Variants in KIAA1217 observed in about 807,000 individuals in gnomAD.
The protein encoded by KIAA1217 is KIAA1217, also known as sickle tail protein homolog.
Under a neutral mutation model 163.9 loss-of-function variants are expected in KIAA1217, and 88 were observed. The ratio of observed to expected loss-of-function variants is 0.54; its 90% CI spans 0.45 to 0.64. The LOEUF is 0.64. KIAA1217 is among the 30% of genes least tolerant of loss of function. The probability of loss-of-function intolerance (pLI) is 0.00; values close to 1 mark genes in which losing one functional copy is unlikely to be tolerated. For missense variants in KIAA1217, 2,372 were observed against 2,475.0 expected, an observed-to-expected ratio of 0.96 and a Z score of 0.88; for synonymous variants, 903 against 923.1, an observed-to-expected ratio of 0.98 and a Z score of 0.39.
chr10:23,718,096 T>C (rs1410813120), intron 1 of KIAA1217, among the ~76,000 whole-genome samples: 1 of 152,238 alleles, frequency 6.6e-6, no homozygotes, highest in Non-Finnish European at 1.5e-5. Flanking sequence ...GTGTGGAATC[T>C]ATTAAGTTGG....
intron 6 of KIAA1217, among the ~76,000 whole-genome samples, chr10:24,476,298 TAAAAC>T (rs1283297553): frequency 6.6e-6 from 1 of 152,086 alleles, no homozygotes; most frequent in Non-Finnish European, 1.5e-5. Flanking sequence ...ATGGAGAGAA[TAAAAC>T]AAACCCTCTG....
chr10:23,736,283 T>C (rs1838798606), intron 1 of KIAA1217, among the ~76,000 whole-genome samples: 1 of 152,250 alleles, frequency 6.6e-6, no homozygotes, highest in South Asian at 2.1e-4. Context: ...ATGTGCAGTA[T>C]GGTGAGTGTG....
chr10:23,761,772 A>C (rs540066308), intron 1 of KIAA1217, among the ~76,000 whole-genome samples: 233 of 152,216 alleles, frequency 1.5e-3, no homozygotes, highest in African/African-American at 5.2e-3. Context: ...TACTAGGTCC[A>C]CTTGGTCCAG....
intron 2 of KIAA1217, among the ~76,000 whole-genome samples, chr10:24,160,318 A>G (rs1041989003): frequency 1.8e-4 from 28 of 152,230 alleles, no homozygotes; most frequent in African/African-American, 5.8e-4. Flanking sequence ...GGCAAAAATG[A>G]TATTTTAGCA....
At chr10:23,771,653 T>C (rs7920886) in intron 1 of KIAA1217, among the ~76,000 whole-genome samples, 6,921 of 152,122 alleles carry the variant, frequency 0.045, 516 homozygotes, top group African/African-American at 0.15. Flanking sequence ...AGATCCAGCT[T>C]TCTTTCATCT....
chr10:23,951,851 T>C (rs1844350153), intron 1 of KIAA1217, among the ~76,000 whole-genome samples: 1 of 152,188 alleles, frequency 6.6e-6, no homozygotes, highest in African/African-American at 2.4e-5. Flanking sequence ...TCTCTTACTA[T>C]TGAAAATATT....
chr10:23,923,173 T>A (rs768470889), intron 1 of KIAA1217, among the ~76,000 whole-genome samples: 16 of 152,146 alleles, frequency 1.1e-4, no homozygotes, highest in Non-Finnish European at 2.1e-4. Context: ...AGCTCCCACA[T>A]GTCAGTGAGA....
chr10:24,353,462 G>A (rs1404151097), intron 2 of KIAA1217, among the ~76,000 whole-genome samples: 1 of 152,138 alleles, frequency 6.6e-6, no homozygotes, highest in African/African-American at 2.4e-5. Context: ...TCCTGGAAGA[G>A]CACTTGGTAA....
chr10:23,717,100 C>G (rs1588654035), intron 1 of KIAA1217, among the ~76,000 whole-genome samples: 1 of 152,260 alleles, frequency 6.6e-6, no homozygotes, highest in South Asian at 2.1e-4. Flanking sequence ...TGCCCCTTCT[C>G]TTCCCAGCCT....
Position 24,188,950 on chromosome 10 carries a change from G to A in KIAA1217, c.-170-30676G>A, listed in dbSNP as rs144312960. On this transcript the variant is annotated intron_variant, in intron 2 of 18. Coordinates refer to the KIAA1217 transcript ENST00000376462. ...GAAACCCCGTCTCTATTAAAAATAC[G>A]AGAAAATTAGCCGGGCGTGGTGGCA... Among the ~76,000 whole-genome samples, 618 of 151,786 alleles carry A rather than the reference G, an allele frequency of 4.1e-3. 1 individual carries two copies. Among genetic ancestry groups the A allele is most frequent in the Middle Eastern group, 0.027 (8 of 294 alleles).
At chr10:24,309,371 C>T (rs545401719) in intron 2 of KIAA1217, among the ~76,000 whole-genome samples, 2 of 152,042 alleles carry the variant, frequency 1.3e-5, no homozygotes, top group Admixed American at 6.5e-5. Flanking sequence ...CACACACACA[C>T]ACACACACGG....
chr10:24,005,948 T>G (rs565910894), intron 1 of KIAA1217, among the ~76,000 whole-genome samples: 1 of 152,268 alleles, frequency 6.6e-6, no homozygotes, highest in South Asian at 2.1e-4. Context: ...AACTTATAGC[T>G]TCATGTTGTT....
chr10:24,178,134 G>A (rs547323376), intron 2 of KIAA1217, among the ~76,000 whole-genome samples: 1 of 152,248 alleles, frequency 6.6e-6, no homozygotes, highest in African/African-American at 2.4e-5. Flanking sequence ...ATTTAGCATT[G>A]TTTTACCATT....
chr10:24,454,023 G>A (rs992895075), intron 5 of KIAA1217, among the ~76,000 whole-genome samples: 1 of 151,906 alleles, frequency 6.6e-6, no homozygotes, highest in African/African-American at 2.4e-5. Flanking sequence ...CCAAATTGAG[G>A]GTTCAAGGAA....
chr10:23,831,567 C>T (rs1459123006), intron 1 of KIAA1217, among the ~76,000 whole-genome samples: 1 of 152,144 alleles, frequency 6.6e-6, no homozygotes, highest in African/African-American at 2.4e-5. Flanking sequence ...AGTTGTCCCA[C>T]AGCTTCCAAC....
chr10:24,480,198 G>A (rs1046720694), intron 6 of KIAA1217, among the ~76,000 whole-genome samples: 7 of 152,208 alleles, frequency 4.6e-5, no homozygotes, highest in Admixed American at 2.0e-4. Context: ...GCTTAGAAAC[G>A]TTGCTCTAAA....
chr10:24,293,320 G>A (rs979600971), intron 2 of KIAA1217, among the ~76,000 whole-genome samples: 16 of 152,090 alleles, frequency 1.1e-4, no homozygotes, highest in Admixed American at 3.3e-4. Flanking sequence ...ATCTGCCAGC[G>A]TCGGCCTCCC....
chr10:24,462,568 G>A (rs2062522184), intron 5 of KIAA1217, among the ~76,000 whole-genome samples: 1 of 152,310 alleles, frequency 6.6e-6, no homozygotes, highest in South Asian at 2.1e-4. Context: ...GAAGCTGGGT[G>A]AGGTTCTTAA....
chr10:24,162,933 C>G (rs1411454905), intron 2 of KIAA1217, among the ~76,000 whole-genome samples: 1 of 152,228 alleles, frequency 6.6e-6, no homozygotes, highest in Admixed American at 6.5e-5. Flanking sequence ...AGCTAGCTTT[C>G]CCCTGAGGAC....
Sources: gnomAD v4.1 joint callset for allele counts (sites outside exome capture counted in the v4.1 genomes callset) on GRCh38, gnomAD v4.1.1 for gene constraint, MANE v1.5 for transcripts, NCBI Gene and HGNC (gene_info 2026-07-23, HGNC 2026-07-21) for gene names.